DSCAM: variants seen among roughly 807,000 people sequenced by gnomAD.
DSCAM encodes cell adhesion molecule DSCAM.
In DSCAM, 47 loss-of-function variants were observed where a neutral mutation model predicts 217.7. The observed-to-expected ratio is 0.22, with a 90% CI of 0.17 to 0.28. The LOEUF (loss-of-function observed/expected upper bound fraction) is 0.28. Among genes scored for constraint, DSCAM ranks in the 10% least tolerant of loss-of-function variants. The probability of loss-of-function intolerance (pLI) is 1.00; values close to 1 mark genes in which losing one functional copy is unlikely to be tolerated. For missense variants in DSCAM, 2,080 were observed against 2,618.3 expected, an observed-to-expected ratio of 0.79 and a Z score of 4.49; for synonymous variants, 1,056 against 1,015.3, an observed-to-expected ratio of 1.04 and a Z score of -0.76.
At chr21:40,843,374 GTGTGTGT>G in intron 1 of DSCAM, among the ~76,000 whole-genome samples, 1 of 53,328 alleles carries the variant, frequency 1.9e-5, no homozygotes, top group African/African-American at 2.4e-4. Flanking sequence ...ATGCATGTGT[GTGTGTGT>G]GTGTGTGTGT....
chr21:40,363,535 G>A (rs978251834), intron 4 of DSCAM, among the ~76,000 whole-genome samples: 2 of 152,190 alleles, frequency 1.3e-5, no homozygotes. Flanking sequence ...TTACAGGTGT[G>A]AGCCACCACG....
At chr21:40,165,062 A>C (rs1019508930) in intron 16 of DSCAM, among the ~76,000 whole-genome samples, 1 of 152,038 alleles carries the variant, frequency 6.6e-6, no homozygotes, top group African/African-American at 2.4e-5. Flanking sequence ...TTTACTTCTG[A>C]TCAGTGTCCG....
chr21:40,355,757 C>G (rs182245287), intron 4 of DSCAM, among the ~76,000 whole-genome samples: 123 of 152,262 alleles, frequency 8.1e-4, no homozygotes, highest in Middle Eastern at 3.4e-3. Context: ...ATCTGATGGC[C>G]AAGGAATGGA....
chr21:40,346,156 G>C (rs1444015840), intron 6 of DSCAM, among the ~76,000 whole-genome samples: 1 of 152,226 alleles, frequency 6.6e-6, no homozygotes, highest in Non-Finnish European at 1.5e-5. Context: ...TAGTGACTAT[G>C]TAAGGACTAG....
At chr21:40,674,142 C>T (rs543793206) in intron 3 of DSCAM, among the ~76,000 whole-genome samples, 1 of 152,240 alleles carries the variant, frequency 6.6e-6, no homozygotes, top group Non-Finnish European at 1.5e-5. Context: ...CTAATCTCTC[C>T]ATGGACACAG....
At chr21:40,485,491 C>T (rs906320161) in intron 3 of DSCAM, among the ~76,000 whole-genome samples, 4 of 152,006 alleles carry the variant, frequency 2.6e-5, no homozygotes, top group Non-Finnish European at 4.4e-5. Context: ...ATCCGCCCGC[C>T]TCGGCCTCCC....
intron 11 of DSCAM, among the ~76,000 whole-genome samples, chr21:40,197,180 G>A (rs529493718): frequency 2.6e-5 from 4 of 151,578 alleles, no homozygotes; most frequent in East Asian, 1.9e-4. Context: ...GTGCAGTGTC[G>A]CAATCTTGGC....
At chr21:40,068,321 A>C (rs1234043462) in intron 27 of DSCAM, among the ~76,000 whole-genome samples, 3 of 152,128 alleles carry the variant, frequency 2.0e-5, no homozygotes, top group Non-Finnish European at 4.4e-5. Context: ...GGAGTAATTG[A>C]GAGGTAGTGT....
Position 40,187,348 on chromosome 21 carries a change from G to C in DSCAM, c.2651-89C>G, listed in dbSNP as rs145944280. ...GAAATGCTGAGCGTGACTCACAAAC[G>C]ATTTGTCTGCATTAGACAAGAACAG... On this transcript the variant is annotated intron_variant, in intron 13 of 32. Coordinates refer to ENST00000400454, the MANE Select transcript of DSCAM (RefSeq NM_001389.5). 591 of 1,512,680 alleles carry C rather than the reference G, an allele frequency of 3.9e-4. 2 individuals are homozygous for C. The East Asian group carries it at 0.013, about 34-fold the overall frequency. 93.7% of individuals were successfully genotyped at this position (1,512,680 alleles called of 1,614,324 possible).
chr21:40,576,394 G>T (rs973331285), intron 3 of DSCAM, among the ~76,000 whole-genome samples: 5 of 152,180 alleles, frequency 3.3e-5, no homozygotes, highest in African/African-American at 1.2e-4. Flanking sequence ...CATCTGGGTT[G>T]GGTGCAGGCT....
chr21:40,054,088 A>T (rs1290776387), intron 29 of DSCAM, among the ~76,000 whole-genome samples: 3 of 152,132 alleles, frequency 2.0e-5, no homozygotes, highest in Non-Finnish European at 4.4e-5. Context: ...AATTTTTGAA[A>T]TTTTTTCAAA....
chr21:40,339,655 G>C (rs904068995), intron 6 of DSCAM, among the ~76,000 whole-genome samples: 1 of 95,714 alleles, frequency 1.0e-5, no homozygotes, highest in Admixed American at 1.2e-4. Flanking sequence ...TGACTTAAGA[G>C]GAATGGTAAT....
At chr21:40,747,289 T>TAAAAA (rs72559370) in intron 1 of DSCAM, among the ~76,000 whole-genome samples, 1 of 147,048 alleles carries the variant, frequency 6.8e-6, no homozygotes, top group Non-Finnish European at 1.5e-5. Context: ...TTTGTTTAAA[T>TAAAAA]AAAAAAAAAA....
intron 8 of DSCAM, among the ~76,000 whole-genome samples, chr21:40,318,626 G>C (rs2074226637): frequency 6.6e-6 from 1 of 152,222 alleles, no homozygotes; most frequent in East Asian, 1.9e-4. Flanking sequence ...GCAGCAGCCA[G>C]AGATGCACCT....
intron 3 of DSCAM, among the ~76,000 whole-genome samples, chr21:40,632,751 C>T (rs918104592): frequency 2.6e-5 from 4 of 152,192 alleles, no homozygotes; most frequent in Admixed American, 6.5e-5. Context: ...AGCACCTGTG[C>T]GGTGCTTTTA....
At chr21:40,322,853 T>G (rs2123528280) in intron 8 of DSCAM, among the ~76,000 whole-genome samples, 1 of 152,166 alleles carries the variant, frequency 6.6e-6, no homozygotes, top group South Asian at 2.1e-4. Context: ...AAAAAATGTG[T>G]TTAGGAAAAG....
intron 21 of DSCAM, among the ~76,000 whole-genome samples, chr21:40,089,467 C>T (rs1418607201): frequency 6.6e-6 from 1 of 152,210 alleles, no homozygotes; most frequent in African/African-American, 2.4e-5. Flanking sequence ...CTCTCTGTGC[C>T]TTCGTGTCCT....
rs80076750 is a variant in DSCAM at position 40,122,629 on chromosome 21, T to G, written c.3696+1566A>C. Among the ~76,000 whole-genome samples, 455 of 152,274 alleles carry G rather than the reference T, an allele frequency of 3.0e-3. 3 individuals carry two copies. Among genetic ancestry groups the G allele is most frequent in the African/African-American group, 0.011 (439 of 41,562 alleles). On this transcript the variant is annotated intron_variant, in intron 20 of 32. Coordinates refer to ENST00000400454, the MANE Select transcript of DSCAM (RefSeq NM_001389.5). ...CTACGCTGCTCTCCATCTCTGGGCT[T>G]TGATAGTAGGATTCAGTAAGTGAGG...
At chr21:40,268,672 G>T (rs2073573619) in intron 11 of DSCAM, among the ~76,000 whole-genome samples, 1 of 152,112 alleles carries the variant, frequency 6.6e-6, no homozygotes, top group Non-Finnish European at 1.5e-5. Flanking sequence ...TTTTCGAAAG[G>T]CTGTGGTGGC....
Sources: allele counts gnomAD v4.1 joint callset (sites outside exome capture counted in the v4.1 genomes callset), GRCh38; gene constraint gnomAD v4.1.1; transcripts MANE v1.5; gene names NCBI Gene and HGNC (gene_info 2026-07-23, HGNC 2026-07-21).